Variants in TMX3 observed in about 807,000 individuals in gnomAD.
The protein encoded by TMX3 is protein disulfide-isomerase TMX3.
TMX3 carries 40 observed loss-of-function variants against 64.4 expected under a neutral mutation model. That is an observed-to-expected ratio of 0.62 (90% CI 0.48 to 0.81). The LOEUF (loss-of-function observed/expected upper bound fraction) is 0.81, where lower values mean the gene tolerates loss of function less well. Among genes scored for constraint, TMX3 ranks in the 30% least tolerant of loss-of-function variants. TMX3 has a pLI of 0.00. For missense variants in TMX3, 497 were observed against 534.5 expected, an observed-to-expected ratio of 0.93 and a Z score of 0.69; for synonymous variants, 189 against 175.7, an observed-to-expected ratio of 1.08 and a Z score of -0.60.
intron 14 of TMX3, 145 bp downstream of exon 14, chr18:68,680,836 T>C: frequency 7.8e-6 from 5 of 639,108 alleles, no homozygotes; most frequent in Admixed American, 6.4e-5. Flanking sequence ...CTGCCTATAA[T>C]TGGACAGAAG....
intron 2 of TMX3, 33 bp downstream of exon 2, chr18:68,713,813 A>T: frequency 8.8e-7 from 1 of 1,141,698 alleles, no homozygotes; most frequent in Non-Finnish European, 1.2e-6. Context: ...GGACAGTTAA[A>T]ATAATATTTT....
intron 14 of TMX3, among the ~76,000 whole-genome samples, chr18:68,680,540 T>C (rs183497178): frequency 1.3e-5 from 2 of 152,302 alleles, no homozygotes; most frequent in Admixed American, 1.3e-4. Context: ...TCTTGAGAAA[T>C]TGTCATCTTA....
chr18:68,682,948 G>A lies in TMX3; in HGVS notation c.882C>T (p.Asp294=). 1 of 1,610,218 alleles carries A rather than the reference G, an allele frequency of 6.2e-7. No homozygotes were observed. The highest frequency in any genetic ancestry group is 1.3e-5 in the African/African-American group (1 of 74,802). Residue 294 remains aspartate (D), a synonymous_variant, in exon 13 of 16, where the codon GAC becomes GAT. Coordinates refer to ENST00000299608, the MANE Select transcript of TMX3 (RefSeq NM_019022.5). ...DFQFGHMDGN[D]YINTLLMDEL... is the part of the protein sequence containing the mutation. ...ACTCCATCAGCAAGGTATTTATGTA[G>A]TCATTTCCATCCATGTGGCCAAACT...
rs1273605872 is a variant in TMX3, at chr18:68,676,986, C to T, written c.1312G>A (p.Val438Ile). Residue 438 changes from valine to isoleucine, a missense_variant, in exon 16 of 16, where the codon GTA (valine) becomes ATA (isoleucine). Coordinates refer to ENST00000299608, the MANE Select transcript of TMX3 (RefSeq NM_019022.5). ...TTGGGCTCCTGCACTGTAGGCACTA[C>T]AGATCCTCCACTGCTGGGCTCCTGC... is the stretch of plus-strand genomic sequence containing the variant. ...EQQEPSSGGS[V>I]VPTVQEPKDV... is the part of the protein sequence containing the mutation. The T allele has an allele frequency of 1.2e-6, 2 of 1,613,672 alleles. No individual in the cohort carries two copies. The highest frequency in any genetic ancestry group is 2.7e-5 in the African/African-American group (2 of 74,896).
chr18:68,698,161 T>G, intron 6 of TMX3, 130 bp from the exon 7 acceptor site: 1 of 634,434 alleles, frequency 1.6e-6, no homozygotes, highest in Non-Finnish European at 2.7e-6. Flanking sequence ...TTTAAGTATA[T>G]CACAAAATCC....
chr18:68,695,216 T>G (rs1037272025), intron 8 of TMX3, among the ~76,000 whole-genome samples: 1 of 152,210 alleles, frequency 6.6e-6, no homozygotes, highest in Non-Finnish European at 1.5e-5. Flanking sequence ...CATTATTTTC[T>G]TGATCACTTT....
intron 2 of TMX3, 43 bp downstream of exon 2, chr18:68,713,803 G>T: frequency 1.0e-6 from 1 of 982,158 alleles, no homozygotes; most frequent in Non-Finnish European, 1.4e-6. Flanking sequence ...TATCTGAGTT[G>T]GACAGTTAAA....
intron 9 of TMX3, among the ~76,000 whole-genome samples, chr18:68,690,514 G>A (rs1052549572): frequency 1.3e-5 from 2 of 152,094 alleles, no homozygotes; most frequent in Admixed American, 6.6e-5. Context: ...GTCAGAGCAC[G>A]GTTTGGAAAA....
At chr18:68,683,828 A>C (rs1913680782) in intron 12 of TMX3, among the ~76,000 whole-genome samples, 1 of 152,178 alleles carries the variant, frequency 6.6e-6, no homozygotes, top group Non-Finnish European at 1.5e-5. Context: ...ATATTAAATG[A>C]AAAATTCCAA....
chr18:68,704,184 TTTTCC>T (rs2030423720), intron 4 of TMX3, among the ~76,000 whole-genome samples: 3 of 152,184 alleles, frequency 2.0e-5, no homozygotes. Flanking sequence ...TGCTAGATCC[TTTTCC>T]TTTCTACTCT....
At chr18:68,677,377 T>C (rs531082844) in intron 15 of TMX3, among the ~76,000 whole-genome samples, 184 bp from the exon 16 acceptor site, 15 of 152,272 alleles carry the variant, frequency 9.9e-5, no homozygotes, top group Admixed American at 3.9e-4. Context: ...ATAATTTCTA[T>C]ATGCACATAC....
At chr18:68,710,217 C>A in intron 3 of TMX3, 73 bp from the exon 4 acceptor site, 1 of 1,263,406 alleles carries the variant, frequency 7.9e-7, no homozygotes, top group Non-Finnish European at 1.0e-6. Context: ...AAATATGAAT[C>A]TTAATATTTA....
chr18:68,676,823 A>C lies in TMX3; in HGVS notation c.*110T>G, dbSNP rs941671150. ...AATCCATGCAGTTGATATTAGCAAA[A>C]TACGAATAACATGTTCTTTTCTGTA... is the stretch of plus-strand genomic sequence containing the variant. On this transcript the variant is annotated 3_prime_UTR_variant, in exon 16 of 16. Transcript: ENST00000299608. 7.3e-7 allele frequency: 1 copy of C among 1,377,856 alleles called. No individual in the cohort carries two copies. The highest frequency in any genetic ancestry group is 1.5e-5 in the African/African-American group (1 of 68,192). The allele number at this position is 1,377,856 out of a possible 1,614,324, so 85.4% of individuals were successfully genotyped here.
intron 10 of TMX3, 117 bp downstream of exon 10, chr18:68,687,549 TA>T (rs755697857): frequency 1.4e-6 from 2 of 1,475,752 alleles, no homozygotes; most frequent in South Asian, 1.4e-5. Flanking sequence ...CATTCAGATC[TA>T]AAATAAAAAA....
chr18:68,700,873 AACAAATGTTAAGCAAT>A (rs149112400), intron 5 of TMX3: 92,449 of 975,568 alleles, frequency 0.095, 6,019 homozygotes, highest in African/African-American at 0.28. Context: ...GAAGAGGCAA[AACAAATGTTAAGCAAT>A]ACAACATGAC....
chr18:68,710,325 A>C (rs1425866377), intron 3 of TMX3, among the ~76,000 whole-genome samples, 181 bp from the exon 4 acceptor site: 1 of 152,188 alleles, frequency 6.6e-6, no homozygotes, highest in Non-Finnish European at 1.5e-5. Flanking sequence ...AAACATACAA[A>C]CATAAACCTA....
At chr18:68,714,569 A>G (rs747413369) in intron 1 of TMX3, 6 of 333,250 alleles carry the variant, frequency 1.8e-5, no homozygotes, top group East Asian at 1.5e-4. Flanking sequence ...AAACGTGACA[A>G]GACTCGGAAC....
intron 6 of TMX3, 89 bp from the exon 7 acceptor site, chr18:68,698,120 T>C: frequency 1.2e-6 from 1 of 818,576 alleles, no homozygotes; most frequent in Non-Finnish European, 1.9e-6. Context: ...ATGTCTCAAG[T>C]TATTAAGTTT....
chr18:68,712,384 T>A (rs964232071), intron 2 of TMX3, among the ~76,000 whole-genome samples: 2 of 152,186 alleles, frequency 1.3e-5, no homozygotes, highest in Non-Finnish European at 2.9e-5. Context: ...TTATGGTGTC[T>A]TCTCACAACT....
Sources: allele counts gnomAD v4.1 joint callset (sites outside exome capture counted in the v4.1 genomes callset), GRCh38; gene constraint gnomAD v4.1.1; transcripts MANE v1.5; gene names NCBI Gene and HGNC (gene_info 2026-07-23, HGNC 2026-07-21).